OXCT1: variants seen among roughly 807,000 people sequenced by gnomAD.
The protein encoded by OXCT1 is 3-oxoacid CoA-transferase 1, also known as succinyl-CoA:3-ketoacid coenzyme A transferase 1, mitochondrial.
A neutral mutation model predicts 69.6 loss-of-function variants in OXCT1; 27 were observed. The ratio of observed to expected loss-of-function variants is 0.39; its 90% CI spans 0.29 to 0.54. The LOEUF (loss-of-function observed/expected upper bound fraction) is 0.54. Among genes scored for constraint, OXCT1 ranks in the 20% least tolerant of loss-of-function variants. OXCT1 has a pLI of 0.72. For missense variants in OXCT1, 437 were observed against 650.2 expected, an observed-to-expected ratio of 0.67 and a Z score of 3.57; for synonymous variants, 202 against 217.8, an observed-to-expected ratio of 0.93 and a Z score of 0.64.
Position 41,802,562 on chromosome 5 carries a change from C to T in OXCT1, c.1050+507G>A, listed in dbSNP as rs569035729. On this transcript the variant is annotated intron_variant, in intron 10 of 16. Coordinates refer to ENST00000196371, the MANE Select transcript of OXCT1 (RefSeq NM_000436.4). ...AGCTTTTTGAGGCAATCAACTCAAA[C>T]AATGTCCCTGTCCTAAAGTAGAAAC... 8.5e-5 allele frequency among the ~76,000 whole-genome samples: 13 copies of T among 152,172 alleles called. 1 individual carries two copies. In the South Asian group the frequency reaches 1.7e-3, roughly 19 times the overall value.
intron 9 of OXCT1, among the ~76,000 whole-genome samples, chr5:41,805,240 T>C (rs968235931): frequency 2.0e-5 from 3 of 152,004 alleles, no homozygotes; most frequent in Non-Finnish European, 4.4e-5. Flanking sequence ...AATTCTGAGA[T>C]TTGAAAACAC....
chr5:41,853,698 C>G, intron 3 of OXCT1, 144 bp from the exon 4 acceptor site: 1 of 895,246 alleles, frequency 1.1e-6, no homozygotes, highest in South Asian at 1.4e-5. Flanking sequence ...TCTCCCATAA[C>G]CCCAAAACTT....
In OXCT1 at chr5:41,762,935, G is replaced by T. The variant is rs1744419342; in HGVS notation, c.1249-735C>A. Among the ~76,000 whole-genome samples, 1 of 152,026 alleles carries T rather than the reference G, an allele frequency of 6.6e-6. No homozygotes were observed. The highest frequency in any genetic ancestry group is 1.5e-5 in the Non-Finnish European group (1 of 67,986). ...GTCTATTCTGTCTCCTGCTTACAGA[G>T]TTCTGGAAAAAGCAAGTGTTTCCAG... On this transcript the variant is annotated intron_variant, in intron 13 of 16. Transcript: ENST00000196371. The surrounding 1 kb of genome is among the most constrained non-coding windows in gnomAD (Gnocchi z 4.0).
At chr5:41,811,105 A>T (rs1205290223) in intron 7 of OXCT1, among the ~76,000 whole-genome samples, 1 of 151,060 alleles carries the variant, frequency 6.6e-6, no homozygotes, top group African/African-American at 2.4e-5. Context: ...GCAGCTGTGG[A>T]AGTCTAGAAA....
intron 13 of OXCT1, among the ~76,000 whole-genome samples, chr5:41,767,311 G>A (rs1744653100): frequency 6.6e-6 from 1 of 152,040 alleles, no homozygotes; most frequent in Non-Finnish European, 1.5e-5. Flanking sequence ...AATTGATTAT[G>A]TAAACCAACT....
rs553851582 is a variant in OXCT1, at chr5:41,868,691, C to A, written c.78+1590G>T. On this transcript the variant is annotated intron_variant, in intron 1 of 16. Transcript: ENST00000196371. Reference sequence around the variant, plus strand: ...TGAGCCGAGATCCCGCCACTGCACTCCAGCCTGGGCGACAGAGCGAGACTC... The same window carrying A: ...TGAGCCGAGATCCCGCCACTGCACTACAGCCTGGGCGACAGAGCGAGACTC... 4.0e-5 allele frequency among the ~76,000 whole-genome samples: 6 copies of A among 151,484 alleles called. No homozygotes were observed. The East Asian group carries it at 1.2e-3, about 29-fold the overall frequency.
In OXCT1 at chr5:41,784,003, CAT is replaced by C. The variant is rs529429046; in HGVS notation, c.1248+9998_1248+9999del. Reference sequence around the variant, plus strand: ...TCCTTTTGCTTCTGTCAAAGGTTAACATGTGTGAGGGCCTAGGCTGGGTGAGA... The same window carrying C: ...TCCTTTTGCTTCTGTCAAAGGTTAACGTGTGAGGGCCTAGGCTGGGTGAGA... On this transcript the variant is annotated intron_variant, in intron 13 of 16. Coordinates refer to ENST00000196371, the MANE Select transcript of OXCT1 (RefSeq NM_000436.4). Among the ~76,000 whole-genome samples the C allele has an allele frequency of 5.7e-3, 872 of 152,274 alleles. 6 individuals are homozygous for C. Among genetic ancestry groups the C allele is most frequent in the Middle Eastern group, 0.017 (5 of 294 alleles).
intron 16 of OXCT1, among the ~76,000 whole-genome samples, chr5:41,733,999 T>C (rs565856085): frequency 2.0e-5 from 3 of 152,366 alleles, no homozygotes; most frequent in Non-Finnish European, 4.4e-5. Flanking sequence ...TCATAGTAGA[T>C]ACTGAGAGTA....
chr5:41,843,043 A>T (rs1748717592), intron 5 of OXCT1, among the ~76,000 whole-genome samples: 1 of 152,240 alleles, frequency 6.6e-6, no homozygotes, highest in African/African-American at 2.4e-5. Context: ...TGAAAGTTCT[A>T]TGGCCTGAGG....
chr5:41,785,463 G>T (rs1745597464), intron 13 of OXCT1, among the ~76,000 whole-genome samples: 1 of 152,154 alleles, frequency 6.6e-6, no homozygotes, highest in Admixed American at 6.5e-5. Context: ...CATTTTTAAA[G>T]ATTACTTAAA....
chr5:41,851,803 A>G (rs1749187535), intron 4 of OXCT1, among the ~76,000 whole-genome samples: 1 of 152,242 alleles, frequency 6.6e-6, no homozygotes, highest in Non-Finnish European at 1.5e-5. Flanking sequence ...TCAAAAGGTT[A>G]ATTTTCAATA....
intron 5 of OXCT1, among the ~76,000 whole-genome samples, chr5:41,843,941 A>T (rs922149768): frequency 6.6e-6 from 1 of 152,246 alleles, no homozygotes; most frequent in Non-Finnish European, 1.5e-5. Context: ...TCTGAGCCAC[A>T]TATCAATATA....
intron 16 of OXCT1, among the ~76,000 whole-genome samples, chr5:41,736,935 G>T (rs531217297): frequency 6.6e-5 from 10 of 152,288 alleles, no homozygotes; most frequent in African/African-American, 2.4e-4. Flanking sequence ...TTAGGACATG[G>T]AATGTCTTCT....
chr5:41,862,085 C>T lies in OXCT1; in HGVS notation c.187+557G>A, dbSNP rs565697023. Among the ~76,000 whole-genome samples, 215 of 152,218 alleles carry T rather than the reference C, an allele frequency of 1.4e-3. 1 individual carries two copies. The highest frequency in any genetic ancestry group is 4.8e-3 in the African/African-American group (201 of 41,556). On this transcript the variant is annotated intron_variant, in intron 2 of 16. Coordinates refer to ENST00000196371, the MANE Select transcript of OXCT1 (RefSeq NM_000436.4). ...AATTAGCCAGGAGTGATGGTGGGTG[C>T]CTGTAATCCCAGCTACTCGGGAGGC...
chr5:41,803,983 G>A (rs944401049), intron 9 of OXCT1, among the ~76,000 whole-genome samples: 2 of 152,016 alleles, frequency 1.3e-5, no homozygotes, highest in Admixed American at 6.6e-5. Flanking sequence ...ACCAGAACTA[G>A]TACAAAGAAT....
At chr5:41,760,813 C>A (rs1744310189) in intron 14 of OXCT1, among the ~76,000 whole-genome samples, 1 of 152,116 alleles carries the variant, frequency 6.6e-6, no homozygotes, top group African/African-American at 2.4e-5. Context: ...TATTTATGCA[C>A]CACTGCTCAC....
chr5:41,866,027 C>A, intron 1 of OXCT1, among the ~76,000 whole-genome samples: 1 of 146,346 alleles, frequency 6.8e-6, no homozygotes. Flanking sequence ...AGTAGACCCC[C>A]CCCCCCACCG....
At position 41,849,036 on chromosome 5, in the gene OXCT1, C is replaced by T. The variant is rs190208370; in HGVS notation, c.564+994G>A. 9.2e-5 allele frequency among the ~76,000 whole-genome samples: 14 copies of T among 152,284 alleles called. No individual in the cohort carries two copies. The East Asian group carries it at 2.5e-3, about 27-fold the overall frequency. ...GAGAAAATTTTCGCAACCTACTCTT[C>T]GGACAAAGGGCTAATATCCAGAATC... On this transcript the variant is annotated intron_variant, in intron 5 of 16. Transcript: ENST00000196371.
At chr5:41,829,709 T>A (rs1244533165) in intron 7 of OXCT1, among the ~76,000 whole-genome samples, 2 of 152,204 alleles carry the variant, frequency 1.3e-5, no homozygotes, top group South Asian at 2.1e-4. Flanking sequence ...CAAGTGTATG[T>A]AAAATAATGC....
Sources: gnomAD v4.1 joint callset for allele counts (sites outside exome capture counted in the v4.1 genomes callset) on GRCh38, gnomAD v4.1.1 for gene constraint, Gnocchi (gnomAD v3.1) non-coding constraint, MANE v1.5 for transcripts, NCBI Gene and HGNC (gene_info 2026-07-23, HGNC 2026-07-21) for gene names.